The following DCC variants were observed in gnomAD, a reference collection of about 807,000 sequenced individuals.
The protein encoded by DCC is netrin receptor DCC.
DCC carries 58 observed loss-of-function variants against 172.5 expected under a neutral mutation model. The ratio of observed to expected loss-of-function variants is 0.34; its 90% CI spans 0.27 to 0.42. The LOEUF (loss-of-function observed/expected upper bound fraction) is 0.42, where lower values mean the gene tolerates loss of function less well. Ranked by LOEUF, DCC falls within the 10% of genes least tolerant of loss-of-function variation. The pLI, the probability that DCC is intolerant of heterozygous loss-of-function variation, is 1.00. For missense variants in DCC, 1,740 were observed against 1,791.0 expected (o/e 0.97, Z 0.51); for synonymous variants, 709 against 644.5 (o/e 1.10, Z -1.52).
intron 5 of DCC, among the ~76,000 whole-genome samples, chr18:53,035,730 G>A (rs1207086685): frequency 6.6e-6 from 1 of 152,014 alleles, no homozygotes; most frequent in African/African-American, 2.4e-5. Context: ...GTAGTTGGCA[G>A]CCTTTATAGA....
At chr18:53,148,983 T>G (rs766095106) in intron 7 of DCC, among the ~76,000 whole-genome samples, 1 of 150,926 alleles carries the variant, frequency 6.6e-6, no homozygotes, top group Non-Finnish European at 1.5e-5. Flanking sequence ...CTGCCTCAGC[T>G]TCTTGAATAG....
intron 7 of DCC, among the ~76,000 whole-genome samples, chr18:53,143,541 G>T (rs890324459): frequency 6.6e-6 from 1 of 152,188 alleles, no homozygotes; most frequent in African/African-American, 2.4e-5. Context: ...GGTTCATCTT[G>T]AGGATTTTTG....
intron 27 of DCC, chr18:53,505,119 C>T (rs575727174): frequency 6.6e-6 from 1 of 152,170 alleles, no homozygotes; most frequent in Admixed American, 6.5e-5. Flanking sequence ...TTTGAGTAAA[C>T]ATTTTATTCC....
chr18:53,366,873 C>T (rs1367772811), intron 15 of DCC, among the ~76,000 whole-genome samples: 2 of 152,150 alleles, frequency 1.3e-5, no homozygotes, highest in Non-Finnish European at 2.9e-5. Context: ...GGGTCCTTCC[C>T]TGTTATTGCA....
intron 27 of DCC, among the ~76,000 whole-genome samples, chr18:53,513,928 C>T (rs2046297618): frequency 6.6e-6 from 1 of 151,020 alleles, no homozygotes; most frequent in Non-Finnish European, 1.5e-5. Flanking sequence ...AACAAGGATA[C>T]CCAGGAATTG....
At chr18:52,541,945 T>C (rs1418355947) in intron 1 of DCC, among the ~76,000 whole-genome samples, 4 of 139,272 alleles carry the variant, frequency 2.9e-5, no homozygotes, top group Non-Finnish European at 6.3e-5. Flanking sequence ...AGACTTAGAC[T>C]ATATAAAATA....
chr18:53,465,905 C>T (rs945229103), intron 24 of DCC, among the ~76,000 whole-genome samples: 34 of 152,196 alleles, frequency 2.2e-4, no homozygotes, highest in African/African-American at 7.7e-4. Context: ...GCTGGGACTA[C>T]AGGCATATGC....
chr18:52,877,272 G>A (rs1250656362), intron 2 of DCC, among the ~76,000 whole-genome samples: 1 of 152,132 alleles, frequency 6.6e-6, no homozygotes. Context: ...CCCGTCCCTT[G>A]TTGTCACAAC....
intron 1 of DCC, among the ~76,000 whole-genome samples, chr18:52,670,131 CCT>C (rs2035525683): frequency 6.6e-6 from 1 of 152,190 alleles, no homozygotes; most frequent in Admixed American, 6.5e-5. Flanking sequence ...GATGACGCAA[CCT>C]CTGTTACCCA....
At chr18:53,415,836 G>C (rs1415626865) in intron 20 of DCC, among the ~76,000 whole-genome samples, 2 of 151,694 alleles carry the variant, frequency 1.3e-5, no homozygotes, top group African/African-American at 4.8e-5. Context: ...GTTAATTCTA[G>C]TTTTAATTAA....
At chr18:52,391,748 T>C (rs1228175208) in intron 1 of DCC, among the ~76,000 whole-genome samples, 3 of 152,126 alleles carry the variant, frequency 2.0e-5, no homozygotes, top group Non-Finnish European at 2.9e-5. Flanking sequence ...CACCACCTTA[T>C]AATCAAGCAA....
intron 7 of DCC, among the ~76,000 whole-genome samples, chr18:53,094,295 A>C (rs192885504): frequency 1.2e-4 from 18 of 152,332 alleles, no homozygotes; most frequent in Non-Finnish European, 7.3e-5. Context: ...ACTGGGAAGA[A>C]GGACTTTGTA....
chr18:52,560,053 G>A (rs1410940923), intron 1 of DCC, among the ~76,000 whole-genome samples: 2 of 152,070 alleles, frequency 1.3e-5, no homozygotes, highest in Admixed American at 6.6e-5. Context: ...TTATTAGCAA[G>A]GTTATTTAAA....
intron 1 of DCC, among the ~76,000 whole-genome samples, chr18:52,367,209 G>A (rs1039945207): frequency 1.3e-5 from 2 of 152,106 alleles, no homozygotes; most frequent in Non-Finnish European, 1.5e-5. Flanking sequence ...TGCGGGGCCC[G>A]CCAAGCCCAC....
chr18:52,962,378 A>G (rs1371755218), intron 5 of DCC, among the ~76,000 whole-genome samples: 1 of 150,034 alleles, frequency 6.7e-6, no homozygotes, highest in East Asian at 2.0e-4. Flanking sequence ...TGGCCATCAG[A>G]GAAATGCAAA....
chr18:52,896,939 T>G (rs2039739997), intron 2 of DCC, among the ~76,000 whole-genome samples: 1 of 152,172 alleles, frequency 6.6e-6, no homozygotes, highest in African/African-American at 2.4e-5. Flanking sequence ...TATCCTTTCC[T>G]AATTATACAA....
chr18:53,041,923 T>A (rs1330745970), intron 5 of DCC, among the ~76,000 whole-genome samples: 1 of 152,094 alleles, frequency 6.6e-6, no homozygotes, highest in East Asian at 1.9e-4. Flanking sequence ...GATGAGATTT[T>A]CTAAATATAT....
intron 5 of DCC, 68 bp downstream of exon 5, chr18:52,925,438 CTCATCACTGAATTGATTCCTA>C: frequency 6.8e-7 from 1 of 1,476,364 alleles, no homozygotes; most frequent in African/African-American, 1.4e-5. Context: ...CATTTTAATG[CTCATCACTGAATTGATTCCTA>C]TGTTTATTAG....
rs181459119 is a variant in DCC at position 52,563,087 on chromosome 18, C to T, written c.92-188967C>T. The stretch of plus-strand genomic sequence containing the variant: ...ATAAAAATGAAATTCATCATCTCTC[C>T]GTTAGGTAGAAGTGGCAATTTTCAT... On this transcript the variant is annotated intron_variant, in intron 1 of 28. Transcript: ENST00000442544. Among the ~76,000 whole-genome samples, 377 of 152,132 alleles carry T rather than the reference C, an allele frequency of 2.5e-3. 4 individuals are homozygous for T. Among genetic ancestry groups the T allele is most frequent in the South Asian group, 0.016 (75 of 4,826 alleles).
Sources: gnomAD v4.1 joint callset for allele counts (sites outside exome capture counted in the v4.1 genomes callset) on GRCh38, gnomAD v4.1.1 for gene constraint, MANE v1.5 for transcripts, NCBI Gene and HGNC (gene_info 2026-07-23, HGNC 2026-07-21) for gene names.